The following COX4I1 variants were observed in gnomAD, a reference collection of about 807,000 sequenced individuals.
COX4I1 encodes cytochrome c oxidase subunit 4I1, also known as cytochrome c oxidase subunit 4 isoform 1, mitochondrial.
COX4I1 carries 18 observed loss-of-function variants against 21.7 expected under a neutral mutation model. The ratio of observed to expected loss-of-function variants is 0.83; its 90% CI spans 0.57 to 1.23. The LOEUF is 1.23. Ranked by LOEUF, COX4I1 falls within the 50% of genes most tolerant of loss-of-function variation. COX4I1 has a pLI of 0.00. For synonymous variants in COX4I1, 100 were observed against 81.5 expected (o/e 1.23, Z -1.23); for missense variants, 238 against 220.7 (o/e 1.08, Z -0.50).
intron 4 of COX4I1, chr16:85,806,168 A>C (rs976798255): frequency 9.6e-5 from 56 of 582,508 alleles, no homozygotes; most frequent in Non-Finnish European, 1.2e-4. Flanking sequence ...CACTTAGCGA[A>C]AGATGACTTC....
At chr16:85,802,605 G>A (rs896592373) in intron 2 of COX4I1, among the ~76,000 whole-genome samples, 1 of 152,218 alleles carries the variant, frequency 6.6e-6, no homozygotes, top group Non-Finnish European at 1.5e-5. Flanking sequence ...GAAGTCAGTT[G>A]GGATATTTGT....
intron 2 of COX4I1, chr16:85,802,978 A>C (rs148739411): frequency 2.6e-5 from 4 of 152,214 alleles, no homozygotes; most frequent in Admixed American, 2.6e-4. Flanking sequence ...TGTAATTCAT[A>C]TAACAGTCAC....
chr16:85,805,211 A>G, intron 3 of COX4I1, 107 bp downstream of exon 3: 1 of 1,192,080 alleles, frequency 8.4e-7, no homozygotes, highest in Non-Finnish European at 1.1e-6. Context: ...AGTCTTGCAC[A>G]GGAGGGTTGC....
chr16:85,802,072 T>C (rs968506928), intron 2 of COX4I1, among the ~76,000 whole-genome samples: 18 of 152,150 alleles, frequency 1.2e-4, no homozygotes, highest in African/African-American at 4.1e-4. Flanking sequence ...TTAGAGCTGG[T>C]CTTGCCTGCC....
Position 85,805,090 on chromosome 16 carries a change from A to G in COX4I1, c.227A>G (p.Asp76Gly). The change falls in exon 3 of 5, where the codon GAT becomes GGT. Residue 76 changes from aspartate to glycine, a missense_variant. Transcript: ENST00000253452. ...GCCTCCTGGAGCAGCCTCTCCATGG[A>G]TGAGAAAGTCGAGTGTGGGTATTGA... ...EKASWSSLSM[D>G]EKVELYRIKF... The G allele has an allele frequency of 6.2e-7, 1 of 1,612,548 alleles. No homozygotes were observed. Among genetic ancestry groups the G allele is most frequent in the Non-Finnish European group, 8.5e-7 (1 of 1,179,504 alleles).
At chr16:85,805,632 C>G in intron 3 of COX4I1, 101 bp from the exon 4 acceptor site, 3 of 1,545,552 alleles carry the variant, frequency 1.9e-6, no homozygotes, top group Non-Finnish European at 2.6e-6. Flanking sequence ...CTCTGTGTTT[C>G]CTCCTTCACA....
At position 85,806,896 on chromosome 16, in the gene COX4I1, A is replaced by G. The variant is rs1292803423; in HGVS notation, c.*22A>G. 7.5e-6 allele frequency: 12 copies of G among 1,602,014 alleles called. No individual in the cohort carries two copies. Among genetic ancestry groups the G allele is most frequent in the Non-Finnish European group, 1.0e-5 (12 of 1,173,156 alleles). ...GTGAGAGATGCTGGCCTGCGCCTGC[A>G]CCTGCGCCTGGCTCTGTCACCGCCA... On this transcript the variant is annotated 3_prime_UTR_variant, in exon 5 of 5. Coordinates refer to ENST00000253452, the MANE Select transcript of COX4I1 (RefSeq NM_001861.6).
intron 4 of COX4I1, 171 bp downstream of exon 4, chr16:85,806,035 G>C: frequency 1.1e-6 from 1 of 894,624 alleles, no homozygotes; most frequent in Non-Finnish European, 1.7e-6. Context: ...AACTGAAGTC[G>C]TGGGAGGTTA....
chr16:85,801,135 G>C (rs1905712047), intron 1 of COX4I1, 70 bp from the exon 2 acceptor site: 1 of 1,359,682 alleles, frequency 7.4e-7, no homozygotes, highest in African/African-American at 1.4e-5. Flanking sequence ...AATGCTCTGG[G>C]GCAAAAAGAA....
chr16:85,807,052 C>T lies in COX4I1; in HGVS notation c.*178C>T, dbSNP rs1906272063. 3.0e-6 allele frequency: 2 copies of T among 658,804 alleles called. No individual in the cohort carries two copies. Among genetic ancestry groups the T allele is most frequent in the Non-Finnish European group, 5.0e-6 (2 of 399,604 alleles). The allele number at this position is 658,804 out of a possible 1,614,324, so 40.8% of individuals were successfully genotyped here. On this transcript the variant is annotated 3_prime_UTR_variant, in exon 5 of 5. Transcript: ENST00000253452. ...ATACCTAAATGAAAGCTAATTAAAA[C>T]AATAGGTTTCTCCCAAGGGTCTGGA... is the stretch of plus-strand genomic sequence containing the variant.
chr16:85,806,497 C>T (rs1430373779), intron 4 of COX4I1: 3 of 710,708 alleles, frequency 4.2e-6, no homozygotes, highest in Non-Finnish European at 5.1e-6. Flanking sequence ...TATCCATAGC[C>T]TTTAGAGAGG....
intron 1 of COX4I1, among the ~76,000 whole-genome samples, chr16:85,800,366 G>T (rs1053722105): frequency 6.6e-6 from 1 of 152,350 alleles, no homozygotes; most frequent in Admixed American, 6.5e-5. Flanking sequence ...GGGTGAGGGG[G>T]GGTCTCATAG....
chr16:85,805,131 C>T (rs746016496), intron 3 of COX4I1, 27 bp downstream of exon 3: 29 of 1,596,724 alleles, frequency 1.8e-5, no homozygotes, highest in Admixed American at 3.5e-5. Context: ...CCCACAGGCG[C>T]GCCCAGCAGC....
intron 1 of COX4I1, 58 bp from the exon 2 acceptor site, chr16:85,801,147 A>G: frequency 1.4e-6 from 2 of 1,439,236 alleles, no homozygotes; most frequent in Admixed American, 3.5e-5. Flanking sequence ...CAAAAAGAAG[A>G]CTAATTCCTT....
At chr16:85,801,405 T>G in intron 2 of COX4I1, 127 bp downstream of exon 2, 1 of 669,712 alleles carries the variant, frequency 1.5e-6, no homozygotes, top group South Asian at 2.4e-5. Context: ...AGGGGAGATA[T>G]AAATGTTCTC....
intron 1 of COX4I1, among the ~76,000 whole-genome samples, chr16:85,800,653 T>TG (rs1388929645): frequency 7.9e-5 from 12 of 152,336 alleles, no homozygotes; most frequent in African/African-American, 2.6e-4. Flanking sequence ...GACGGACTCT[T>TG]GCTCTGGTTG....
intron 4 of COX4I1, 69 bp downstream of exon 4, chr16:85,805,933 C>T: frequency 6.3e-7 from 1 of 1,599,540 alleles, no homozygotes; most frequent in South Asian, 1.1e-5. Context: ...CATTGGTGGG[C>T]TGTCGGGGAC....
intron 4 of COX4I1, chr16:85,806,429 CA>C (rs5818557): frequency 0.99 from 696,965 of 702,528 alleles, 345,907 homozygotes; most frequent in East Asian, 1. Context: ...GGGTTAATAA[CA>C]GACCCGAATC....
At position 85,805,718 on chromosome 16, in the gene COX4I1, CCT is replaced by C; in HGVS notation, c.242-10_242-9del. The stretch of plus-strand genomic sequence containing the variant: ...GACCTTTGTGCCTGTAAATGGCTGT[CCT>C]CTCTGCCCCCAGTGTATCGCATTAA... On this transcript the variant is annotated splice_polypyrimidine_tract_variant and intron_variant, in intron 3 of 4. Coordinates refer to ENST00000253452, the MANE Select transcript of COX4I1 (RefSeq NM_001861.6). 1.2e-6 allele frequency: 2 copies of C among 1,613,444 alleles called. No homozygotes were observed. The highest frequency in any genetic ancestry group is 1.7e-6 in the Non-Finnish European group (2 of 1,179,402).
Sources: gnomAD v4.1 joint callset for allele counts (sites outside exome capture counted in the v4.1 genomes callset) on GRCh38, gnomAD v4.1.1 for gene constraint, MANE v1.5 for transcripts, NCBI Gene and HGNC (gene_info 2026-07-23, HGNC 2026-07-21) for gene names.